PPP1R9A: variants seen among roughly 807,000 people sequenced by gnomAD.
PPP1R9A encodes protein phosphatase 1 regulatory subunit 9A.
A neutral mutation model predicts 141.9 loss-of-function variants in PPP1R9A; 59 were observed. That is an observed-to-expected ratio of 0.42 (90% CI 0.34 to 0.52). The LOEUF (loss-of-function observed/expected upper bound fraction) is 0.52. Among genes scored for constraint, PPP1R9A ranks in the 20% least tolerant of loss-of-function variants. The pLI, the probability that PPP1R9A is intolerant of heterozygous loss-of-function variation, is 0.10. For synonymous variants in PPP1R9A, 500 were observed against 569.7 expected (o/e 0.88, Z 1.74); for missense variants, 1,444 against 1,611.9 (o/e 0.90, Z 1.78).
chr7:95,028,137 T>C (rs1443961227), intron 2 of PPP1R9A, among the ~76,000 whole-genome samples: 1 of 152,222 alleles, frequency 6.6e-6, no homozygotes, highest in Non-Finnish European at 1.5e-5. Context: ...ATTGTGATTA[T>C]GGATAAATGA....
chr7:95,164,741 C>CTTTTTTTTTTTTTT (rs200177321), intron 5 of PPP1R9A, among the ~76,000 whole-genome samples: 1 of 66,132 alleles, frequency 1.5e-5, no homozygotes, highest in African/African-American at 6.3e-5. Context: ...CTTTTCTTTT[C>CTTTTTTTTTTTTTT]TTTTTTTTTT....
chr7:95,099,611 T>TC (rs1639419050), intron 2 of PPP1R9A, among the ~76,000 whole-genome samples: 1 of 152,162 alleles, frequency 6.6e-6, no homozygotes. Flanking sequence ...AGGATTTTTT[T>TC]CCCTGATTAC....
At chr7:95,066,921 G>A (rs1813028241) in intron 2 of PPP1R9A, among the ~76,000 whole-genome samples, 1 of 152,188 alleles carries the variant, frequency 6.6e-6, no homozygotes, top group Admixed American at 6.5e-5. Flanking sequence ...TTATGCACCA[G>A]AGATAAGGAG....
At chr7:95,029,612 A>C (rs913347709) in intron 2 of PPP1R9A, among the ~76,000 whole-genome samples, 2 of 152,186 alleles carry the variant, frequency 1.3e-5, no homozygotes, top group African/African-American at 4.8e-5. Context: ...TGATTTTTCC[A>C]CTTAATAACT....
chr7:95,094,918 G>A (rs1327768743), intron 2 of PPP1R9A, among the ~76,000 whole-genome samples: 3 of 132,224 alleles, frequency 2.3e-5, no homozygotes, highest in Admixed American at 7.6e-5. Context: ...AACAAAAGGC[G>A]ATTTTTACTG....
chr7:95,086,816 A>G (rs981500156), intron 2 of PPP1R9A, among the ~76,000 whole-genome samples: 2 of 152,062 alleles, frequency 1.3e-5, no homozygotes, highest in Non-Finnish European at 2.9e-5. Context: ...GATAGTGAAC[A>G]TAACTTATAA....
At chr7:95,071,588 A>T (rs1193040472) in intron 2 of PPP1R9A, among the ~76,000 whole-genome samples, 1 of 151,958 alleles carries the variant, frequency 6.6e-6, no homozygotes, top group Non-Finnish European at 1.5e-5. Context: ...AATGTCACAA[A>T]ATAGAGTTTA....
intron 5 of PPP1R9A, among the ~76,000 whole-genome samples, chr7:95,168,675 A>G (rs1831644094): frequency 6.6e-6 from 1 of 152,100 alleles, no homozygotes; most frequent in African/African-American, 2.4e-5. Flanking sequence ...TATTAAAGGA[A>G]CTCAAAGCAA....
chr7:95,208,947 T>C (rs1448341807), intron 7 of PPP1R9A, among the ~76,000 whole-genome samples: 1 of 39,722 alleles, frequency 2.5e-5, no homozygotes, highest in African/African-American at 1.4e-4. Context: ...TATAAAAATA[T>C]AGCAAAACTA....
At chr7:94,951,027 TAATC>T (rs993398080) in intron 2 of PPP1R9A, among the ~76,000 whole-genome samples, 1 of 152,118 alleles carries the variant, frequency 6.6e-6, no homozygotes, top group African/African-American at 2.4e-5. Flanking sequence ...GGATTACAGG[TAATC>T]ACCTGTATGA....
chr7:95,008,352 T>C (rs1047251785), intron 2 of PPP1R9A, among the ~76,000 whole-genome samples: 3 of 152,132 alleles, frequency 2.0e-5, no homozygotes, highest in African/African-American at 7.2e-5. Flanking sequence ...ATATGAAGCT[T>C]TAAAATGCAT....
At chr7:95,161,829 A>G in intron 4 of PPP1R9A, 38 bp from the exon 5 acceptor site, 3 of 1,307,116 alleles carry the variant, frequency 2.3e-6, no homozygotes, top group African/African-American at 1.5e-5. Context: ...TTAATTTTTT[A>G]TGTAATTTAT....
intron 19 of PPP1R9A, among the ~76,000 whole-genome samples, chr7:95,289,796 G>T (rs552449125): frequency 7.3e-6 from 1 of 136,520 alleles, no homozygotes; most frequent in South Asian, 2.2e-4. Flanking sequence ...ACAGCCCAAA[G>T]GTTGGAGAAG....
intron 2 of PPP1R9A, among the ~76,000 whole-genome samples, chr7:95,095,318 C>T (rs1441578560): frequency 6.6e-6 from 1 of 152,116 alleles, no homozygotes; most frequent in Admixed American, 6.5e-5. Flanking sequence ...TTTACAAAAC[C>T]ATCAGTTCTA....
At chr7:94,982,769 G>C (rs1012191137) in intron 2 of PPP1R9A, among the ~76,000 whole-genome samples, 4 of 152,160 alleles carry the variant, frequency 2.6e-5, no homozygotes, top group African/African-American at 9.7e-5. Flanking sequence ...CTCCCATTCT[G>C]TAGGTTGCCT....
chr7:95,044,067 C>G (rs1416495293), intron 2 of PPP1R9A, among the ~76,000 whole-genome samples: 3 of 152,204 alleles, frequency 2.0e-5, no homozygotes, highest in African/African-American at 7.2e-5. Flanking sequence ...CAAAACTCAA[C>G]TGAAAAAGAG....
At chr7:95,018,125 G>T in intron 2 of PPP1R9A, 1 of 182,066 alleles carries the variant, frequency 5.5e-6, no homozygotes. Context: ...CTTAATCATT[G>T]CCTAGAGAAG....
At chr7:95,140,064 C>T (rs1338054551) in intron 4 of PPP1R9A, among the ~76,000 whole-genome samples, 1 of 152,124 alleles carries the variant, frequency 6.6e-6, no homozygotes, top group African/African-American at 2.4e-5. Flanking sequence ...CTGAGTAGCT[C>T]AAAGTGAACC....
chr7:94,961,338 A>G (rs528961089), intron 2 of PPP1R9A, among the ~76,000 whole-genome samples: 6 of 151,846 alleles, frequency 4.0e-5, no homozygotes, highest in Non-Finnish European at 7.4e-5. Context: ...ATCATGAATA[A>G]TAATATTAGT....
Sources: gnomAD v4.1 joint callset for allele counts (sites outside exome capture counted in the v4.1 genomes callset) on GRCh38, gnomAD v4.1.1 for gene constraint, MANE v1.5 for transcripts, NCBI Gene and HGNC (gene_info 2026-07-23, HGNC 2026-07-21) for gene names.